PITPNC1: variants seen among roughly 807,000 people sequenced by gnomAD.
The protein encoded by PITPNC1 is phosphatidylinositol transfer protein cytoplasmic 1.
In PITPNC1, 18 loss-of-function variants were observed where a neutral mutation model predicts 44.7. The observed-to-expected ratio is 0.40, with a 90% CI of 0.28 to 0.60. The LOEUF (loss-of-function observed/expected upper bound fraction) is 0.60. Ranked by LOEUF, PITPNC1 falls within the 20% of genes least tolerant of loss-of-function variation. The pLI is 0.39. For synonymous variants in PITPNC1, 141 were observed against 149.6 expected, an observed-to-expected ratio of 0.94 and a Z score of 0.42; for missense variants, 290 against 418.4, an observed-to-expected ratio of 0.69 and a Z score of 2.68.
At chr17:67,504,527 T>A (rs2040075669) in intron 1 of PITPNC1, among the ~76,000 whole-genome samples, 1 of 152,190 alleles carries the variant, frequency 6.6e-6, no homozygotes, top group Admixed American at 6.5e-5. Context: ...GGCTAAAGTC[T>A]CTCTAGAACC....
At chr17:67,616,922 G>A (rs1296480628) in intron 5 of PITPNC1, among the ~76,000 whole-genome samples, 3 of 152,132 alleles carry the variant, frequency 2.0e-5, no homozygotes, top group Non-Finnish European at 4.4e-5. Context: ...GTGTATTGTT[G>A]TTGACAGGTT....
intron 1 of PITPNC1, among the ~76,000 whole-genome samples, chr17:67,473,351 CAG>C (rs1207332251): frequency 6.6e-6 from 1 of 151,514 alleles, no homozygotes; most frequent in Non-Finnish European, 1.5e-5. Flanking sequence ...TTTTTTGAGA[CAG>C]AGTCTCGCTC....
Position 67,599,017 on chromosome 17 carries a change from TATATATATATATATA to T in PITPNC1, c.366+20761_366+20775del, listed in dbSNP as rs1167766743. Among the ~76,000 whole-genome samples the T allele has an allele frequency of 1.1e-4, 4 of 35,930 alleles. No individual in the cohort carries two copies. The South Asian group carries it at 3.2e-3, about 29-fold the overall frequency. The allele number at this position is 35,930 out of a possible 152,430, so 23.6% of individuals were successfully genotyped here. A position where few individuals can be genotyped will look rare whatever the true frequency, so the allele number is the denominator to read the frequency against. On this transcript the variant is annotated intron_variant, in intron 5 of 8. Transcript: ENST00000581322. ...TAAGAAATACATATATATATATATATATATATATATATATATATTTTTTTTTTTTTTTTTTTTACC... is the reference window on the plus strand; with the variant it reads ...TAAGAAATACATATATATATATATATTATTTTTTTTTTTTTTTTTTTTACC...
At chr17:67,380,616 C>G (rs1445155580) in intron 1 of PITPNC1, among the ~76,000 whole-genome samples, 1 of 152,066 alleles carries the variant, frequency 6.6e-6, no homozygotes. Context: ...AGAAATGAGG[C>G]CTAGTTTGCC....
At chr17:67,506,508 A>G (rs1185898424) in intron 1 of PITPNC1, among the ~76,000 whole-genome samples, 2 of 152,164 alleles carry the variant, frequency 1.3e-5, no homozygotes, top group Non-Finnish European at 2.9e-5. Flanking sequence ...TTTATATTAC[A>G]CAAGCTGAAA....
intron 6 of PITPNC1, among the ~76,000 whole-genome samples, chr17:67,635,183 G>A (rs2042019225): frequency 6.6e-6 from 1 of 152,224 alleles, no homozygotes; most frequent in Non-Finnish European, 1.5e-5. Context: ...GAAGAACAGA[G>A]TCAGGAGACC....
chr17:67,585,806 A>G (rs2041306956), intron 5 of PITPNC1, among the ~76,000 whole-genome samples: 1 of 152,186 alleles, frequency 6.6e-6, no homozygotes, highest in South Asian at 2.1e-4. Flanking sequence ...CGCTGTCTCA[A>G]AAACAAACAA....
chr17:67,662,399 A>G (rs969688678), intron 6 of PITPNC1, among the ~76,000 whole-genome samples: 1 of 152,214 alleles, frequency 6.6e-6, no homozygotes, highest in Non-Finnish European at 1.5e-5. Context: ...GGTTGCAGTG[A>G]GCTGAGATTG....
At chr17:67,425,193 G>GCGCGCGCGCGCGCGCGCACA (rs1160522771) in intron 1 of PITPNC1, among the ~76,000 whole-genome samples, 17 of 52,120 alleles carry the variant, frequency 3.3e-4, no homozygotes, top group African/African-American at 5.1e-4. Context: ...TTGTGCGCGC[G>GCGCGCGCGCGCGCGCGCACA]CACGCACACG....
intron 2 of PITPNC1, among the ~76,000 whole-genome samples, chr17:67,536,185 G>A (rs2040524545): frequency 6.6e-6 from 1 of 152,186 alleles, no homozygotes; most frequent in Non-Finnish European, 1.5e-5. Context: ...CAGAAGATGG[G>A]AGGGTAATAA....
chr17:67,633,758 C>A (rs190390172), intron 6 of PITPNC1, among the ~76,000 whole-genome samples: 1 of 152,252 alleles, frequency 6.6e-6, no homozygotes, highest in Non-Finnish European at 1.5e-5. Flanking sequence ...TCTGATGATG[C>A]GCAGAGCATT....
chr17:67,464,669 A>G (rs2039397108), intron 1 of PITPNC1, among the ~76,000 whole-genome samples: 1 of 152,232 alleles, frequency 6.6e-6, no homozygotes, highest in African/African-American at 2.4e-5. Context: ...TTAAAATTGC[A>G]CCAAAAAAAG....
chr17:67,692,809 C>A lies in PITPNC1; in HGVS notation c.920C>A (p.Pro307Gln), dbSNP rs768852679. The change falls in exon 9 of 9, where the codon CCA becomes CAA. Residue 307 changes from proline to glutamine, a missense_variant. Coordinates refer to ENST00000581322, the MANE Select transcript of PITPNC1 (RefSeq NM_012417.4). ...TCTGCCCCAGAAACTCTCACACTTC[C>A]AGACCCTGAGAAAAAAGCCACCCTG... is the stretch of plus-strand genomic sequence containing the variant. ...KKSAPETLTLPDPEKKATLNL... is the reference protein window; with the variant it reads ...KKSAPETLTLQDPEKKATLNL... The A allele has an allele frequency of 6.2e-7, 1 of 1,613,764 alleles. No individual in the cohort carries two copies.
At chr17:67,417,389 C>G (rs1183270700) in intron 1 of PITPNC1, among the ~76,000 whole-genome samples, 10 of 152,134 alleles carry the variant, frequency 6.6e-5, no homozygotes, top group Non-Finnish European at 1.5e-4. Flanking sequence ...CTCGGCCTCC[C>G]AAAGTGCTGA....
chr17:67,482,134 C>T (rs192119716), intron 1 of PITPNC1, among the ~76,000 whole-genome samples: 25 of 152,244 alleles, frequency 1.6e-4, no homozygotes, highest in South Asian at 4.1e-4. Flanking sequence ...ATTGGTCTTC[C>T]GTTAGCTGTC....
At chr17:67,427,223 T>C (rs919070401) in intron 1 of PITPNC1, among the ~76,000 whole-genome samples, 2 of 152,152 alleles carry the variant, frequency 1.3e-5, no homozygotes, top group African/African-American at 4.8e-5. Context: ...ATTTATTTAT[T>C]TTTTTGAGAC....
intron 4 of PITPNC1, among the ~76,000 whole-genome samples, chr17:67,556,584 A>G (rs1438828374): frequency 1.3e-5 from 2 of 152,134 alleles, no homozygotes; most frequent in Non-Finnish European, 2.9e-5. Flanking sequence ...GGGGTCCAGA[A>G]GTATGTAATG....
chr17:67,583,960 C>T (rs1283857820), intron 5 of PITPNC1, among the ~76,000 whole-genome samples: 2 of 151,232 alleles, frequency 1.3e-5, no homozygotes, highest in African/African-American at 2.4e-5. Context: ...AGGATGGTCT[C>T]GATCTCCCGA....
intron 6 of PITPNC1, among the ~76,000 whole-genome samples, chr17:67,668,667 T>C (rs2042461272): frequency 6.6e-6 from 1 of 151,914 alleles, no homozygotes; most frequent in Non-Finnish European, 1.5e-5. Flanking sequence ...ATCGAGACCA[T>C]CCTGGCTAAC....
Sources: allele counts gnomAD v4.1 joint callset (sites outside exome capture counted in the v4.1 genomes callset), GRCh38; gene constraint gnomAD v4.1.1; transcripts MANE v1.5; gene names NCBI Gene and HGNC (gene_info 2026-07-23, HGNC 2026-07-21).